Variants in DAB1 observed in about 807,000 individuals in gnomAD.
DAB1 encodes disabled homolog 1.
In DAB1, 15 loss-of-function variants were observed where a neutral mutation model predicts 64.6. The ratio of observed to expected loss-of-function variants is 0.23; its 90% confidence interval spans 0.16 to 0.36. DAB1 has a LOEUF of 0.36. DAB1 is among the 10% of genes least tolerant of loss of function. DAB1 has a pLI of 1.00. For missense variants in DAB1, 596 were observed against 706.7 expected (o/e 0.84, Z 1.78); for synonymous variants, 235 against 251.9 (o/e 0.93, Z 0.64).
chr1:58,038,084 C>T (rs567155315), intron 5 of DAB1, among the ~76,000 whole-genome samples: 1 of 152,276 alleles, frequency 6.6e-6, no homozygotes, highest in African/African-American at 2.4e-5. Flanking sequence ...AGAAGACTGA[C>T]TTGATATCTT....
chr1:58,258,440 C>G (rs947875030), intron 4 of DAB1, among the ~76,000 whole-genome samples: 7 of 152,198 alleles, frequency 4.6e-5, no homozygotes, highest in African/African-American at 1.7e-4. Context: ...TTGAATGGCA[C>G]AGACGAAATG....
chr1:57,217,824 C>G (rs1265261556), intron 2 of DAB1, among the ~76,000 whole-genome samples: 1 of 152,012 alleles, frequency 6.6e-6, no homozygotes, highest in Non-Finnish European at 1.5e-5. Flanking sequence ...CTGATCACAC[C>G]TACCAATCCC....
rs371204956 is a variant in DAB1 at position 57,217,713 on chromosome 1, C to G, written c.68-72284G>C. On this transcript the variant is annotated intron_variant, in intron 2 of 14. Coordinates refer to ENST00000371236, the MANE Select transcript of DAB1 (RefSeq NM_001365792.1). ...TATTTTCCTGATAAAACTGTTCACC[C>G]TAATTCATAGTTCTGATGGTGACAC... is the stretch of plus-strand genomic sequence containing the variant. Among the ~76,000 whole-genome samples, 19 of 152,190 alleles carry G rather than the reference C, an allele frequency of 1.2e-4. No individual in the cohort carries two copies. In the South Asian group the frequency reaches 3.5e-3, roughly 28 times the overall value.
At chr1:58,390,232 C>G (rs572460337) in intron 3 of DAB1, among the ~76,000 whole-genome samples, 1 of 152,094 alleles carries the variant, frequency 6.6e-6, no homozygotes, top group African/African-American at 2.4e-5. Flanking sequence ...ATACCCCACC[C>G]CACCCCTACC....
intron 6 of DAB1, among the ~76,000 whole-genome samples, chr1:57,711,161 TCATTAGTTTTATCAATG>T (rs1647024967): frequency 6.6e-6 from 1 of 152,218 alleles, no homozygotes; most frequent in Non-Finnish European, 1.5e-5. Flanking sequence ...TGATGCCCTT[TCATTAGTTTTATCAATG>T]CAGCTGAATT....
At chr1:57,395,798 A>G (rs1196554338) in intron 1 of DAB1, among the ~76,000 whole-genome samples, 2 of 53,016 alleles carry the variant, frequency 3.8e-5, no homozygotes, top group African/African-American at 1.2e-4. Flanking sequence ...TGGCTACCAT[A>G]TTAGGGAATA....
chr1:58,296,335 A>C (rs1661993349), intron 4 of DAB1, among the ~76,000 whole-genome samples: 1 of 152,142 alleles, frequency 6.6e-6, no homozygotes, highest in Non-Finnish European at 1.5e-5. Flanking sequence ...TACTCAGACA[A>C]AGAGCAATGG....
At chr1:57,864,642 T>C (rs1223990786) in intron 1 of DAB1, 1 of 150,306 alleles carries the variant, frequency 6.7e-6, no homozygotes, top group Non-Finnish European at 1.5e-5. Flanking sequence ...TAATTTCTTA[T>C]TTTTTAAAAA....
intron 1 of DAB1, among the ~76,000 whole-genome samples, chr1:57,306,303 A>AG (rs1674164929): frequency 6.6e-6 from 1 of 152,160 alleles, no homozygotes; most frequent in Non-Finnish European, 1.5e-5. Flanking sequence ...AATGAGCCTG[A>AG]GGGCTACCTG....
At chr1:57,646,038 G>A (rs1250414645) in intron 7 of DAB1, among the ~76,000 whole-genome samples, 1 of 138,570 alleles carries the variant, frequency 7.2e-6, no homozygotes, top group Non-Finnish European at 1.6e-5. Flanking sequence ...AACTGAAGAA[G>A]GGGGAGAAAA....
chr1:57,196,083 A>G (rs1053907234), intron 2 of DAB1, among the ~76,000 whole-genome samples: 2 of 152,130 alleles, frequency 1.3e-5, no homozygotes, highest in Non-Finnish European at 2.9e-5. Flanking sequence ...AGAAGGGCCA[A>G]GGAATGTTTT....
chr1:57,440,769 T>A (rs1319437253), intron 7 of DAB1, among the ~76,000 whole-genome samples: 1 of 152,234 alleles, frequency 6.6e-6, no homozygotes, highest in East Asian at 1.9e-4. Flanking sequence ...CTTCTGTATG[T>A]GTTCCAGTTA....
rs184243701 is a variant in DAB1, at chr1:57,231,929, T to C, written c.67+59035A>G. Reference sequence around the variant, plus strand: ...CTGATATCAGATTTCTAGCCCGCTATCTTTTTGCTGCTTCCCCTGAGGGTC... The same window carrying C: ...CTGATATCAGATTTCTAGCCCGCTACCTTTTTGCTGCTTCCCCTGAGGGTC... On this transcript the variant is annotated intron_variant, in intron 2 of 14. Coordinates refer to ENST00000371236, the MANE Select transcript of DAB1 (RefSeq NM_001365792.1). 7.9e-4 allele frequency among the ~76,000 whole-genome samples: 121 copies of C among 152,288 alleles called. 2 individuals carry two copies. The highest frequency in any genetic ancestry group is 5.9e-5 in the Non-Finnish European group (4 of 68,034).
At chr1:58,432,923 G>A (rs1234027182) in intron 3 of DAB1, among the ~76,000 whole-genome samples, 1 of 152,236 alleles carries the variant, frequency 6.6e-6, no homozygotes, top group Non-Finnish European at 1.5e-5. Context: ...CATCAGGGAA[G>A]AGGGCTGGCC....
intron 7 of DAB1, among the ~76,000 whole-genome samples, chr1:57,518,447 G>A: frequency 6.6e-6 from 1 of 152,136 alleles, no homozygotes; most frequent in Middle Eastern, 3.4e-3. Flanking sequence ...AAATAAAATA[G>A]AAATGCCACC....
At chr1:57,037,002 T>A (rs1165263274) in intron 9 of DAB1, among the ~76,000 whole-genome samples, 2 of 152,160 alleles carry the variant, frequency 1.3e-5, no homozygotes. Flanking sequence ...GGCTTCCAAA[T>A]CAGAAACCTG....
intron 7 of DAB1, among the ~76,000 whole-genome samples, chr1:57,466,180 GCCAGAAAGAATATCTCAACCCTC>G (rs1174985500): frequency 1.3e-5 from 2 of 152,128 alleles, no homozygotes; most frequent in African/African-American, 4.8e-5. Context: ...GGGACATTAA[GCCAGAAAGAATATCTCAACCCTC>G]CCATATTTGT....
At chr1:58,541,293 CAAAAAAA>C (rs71043292) in intron 1 of DAB1, among the ~76,000 whole-genome samples, 24 of 27,560 alleles carry the variant, frequency 8.7e-4, no homozygotes, top group African/African-American at 2.3e-3. Context: ...GACTCTGTCT[CAAAAAAA>C]AAAAAAAAAA....
intron 4 of DAB1, among the ~76,000 whole-genome samples, chr1:57,124,191 C>T (rs1200087315): frequency 6.6e-6 from 1 of 152,184 alleles, no homozygotes; most frequent in Non-Finnish European, 1.5e-5. Flanking sequence ...AAACATAAGA[C>T]ATTCCTTTTA....
Sources: gnomAD v4.1 joint callset for allele counts (sites outside exome capture counted in the v4.1 genomes callset) on GRCh38, gnomAD v4.1.1 for gene constraint, MANE v1.5 for transcripts, NCBI Gene and HGNC (gene_info 2026-07-23, HGNC 2026-07-21) for gene names.